The following TMTC2 variants were observed in gnomAD, a reference collection of about 807,000 sequenced individuals.
TMTC2 encodes protein O-mannosyl-transferase TMTC2.
A neutral mutation model predicts 82.4 loss-of-function variants in TMTC2; 43 were observed. The ratio of observed to expected loss-of-function variants is 0.52; its 90% CI spans 0.41 to 0.67. TMTC2 has a LOEUF of 0.67. Ranked by LOEUF, TMTC2 falls within the 30% of genes least tolerant of loss-of-function variation. TMTC2 has a pLI of 0.00. For missense variants in TMTC2, 919 were observed against 1,012.4 expected, an observed-to-expected ratio of 0.91 and a Z score of 1.25; for synonymous variants, 408 against 381.9, an observed-to-expected ratio of 1.07 and a Z score of -0.80.
chr12:82,843,562 T>C (rs1870463449), intron 1 of TMTC2, among the ~76,000 whole-genome samples: 1 of 152,190 alleles, frequency 6.6e-6, no homozygotes, highest in African/African-American at 2.4e-5. Flanking sequence ...ATGTAGAATA[T>C]TTTAAGTATG....
At chr12:82,947,356 T>G (rs2137272706) in intron 4 of TMTC2, among the ~76,000 whole-genome samples, 1 of 151,220 alleles carries the variant, frequency 6.6e-6, no homozygotes, top group South Asian at 2.1e-4. Flanking sequence ...TTTTTTTTTT[T>G]TTTGAGACGG....
At chr12:82,897,239 T>C (rs1378794328) in intron 3 of TMTC2, among the ~76,000 whole-genome samples, 1 of 152,224 alleles carries the variant, frequency 6.6e-6, no homozygotes, top group Non-Finnish European at 1.5e-5. Context: ...ACTTGAGTTC[T>C]TAAGTCACTT....
chr12:82,742,940 A>G (rs536041665), intron 1 of TMTC2, among the ~76,000 whole-genome samples: 1 of 152,188 alleles, frequency 6.6e-6, no homozygotes, highest in African/African-American at 2.4e-5. Flanking sequence ...CTAGTGCATC[A>G]TGATTGTTTT....
intron 8 of TMTC2, among the ~76,000 whole-genome samples, chr12:83,030,280 A>G (rs1881373124): frequency 6.6e-6 from 1 of 152,160 alleles, no homozygotes; most frequent in Non-Finnish European, 1.5e-5. Context: ...TACATACATT[A>G]TAAGAAGTAT....
intron 9 of TMTC2, among the ~76,000 whole-genome samples, chr12:83,040,349 A>G (rs1280832981): frequency 6.6e-6 from 1 of 152,222 alleles, no homozygotes; most frequent in African/African-American, 2.4e-5. Flanking sequence ...CTGCTGGTGA[A>G]GAAATCCAGG....
At chr12:82,864,185 A>G (rs1401667456) in intron 2 of TMTC2, among the ~76,000 whole-genome samples, 1 of 152,176 alleles carries the variant, frequency 6.6e-6, no homozygotes, top group African/African-American at 2.4e-5. Context: ...TGAGTCAGGT[A>G]GGGTAGATTG....
chr12:83,076,625 GC>G, intron 11 of TMTC2, among the ~76,000 whole-genome samples: 1 of 152,230 alleles, frequency 6.6e-6, no homozygotes, highest in East Asian at 1.9e-4. Flanking sequence ...TTCCCCCATC[GC>G]CGGTCACCAC....
At chr12:82,832,451 T>C (rs1869804277) in intron 1 of TMTC2, among the ~76,000 whole-genome samples, 1 of 152,138 alleles carries the variant, frequency 6.6e-6, no homozygotes, top group African/African-American at 2.4e-5. Context: ...TATTATACTA[T>C]TGTACACTGT....
intron 1 of TMTC2, among the ~76,000 whole-genome samples, chr12:82,832,794 A>G (rs963457742): frequency 4.6e-5 from 7 of 152,222 alleles, no homozygotes; most frequent in African/African-American, 1.7e-4. Context: ...ATCCCAAGAA[A>G]TAGCTTTTTT....
intron 1 of TMTC2, among the ~76,000 whole-genome samples, chr12:82,748,288 G>A (rs998883295): frequency 6.6e-6 from 1 of 152,138 alleles, no homozygotes; most frequent in Non-Finnish European, 1.5e-5. Flanking sequence ...TCCAGCGTGG[G>A]CGACAGAGTG....
At chr12:82,949,752 A>G (rs1313270256) in intron 4 of TMTC2, among the ~76,000 whole-genome samples, 1 of 152,122 alleles carries the variant, frequency 6.6e-6, no homozygotes, top group Admixed American at 6.6e-5. Context: ...TTAGCTGGTA[A>G]TTTTATTCTA....
chr12:83,054,540 A>G (rs1184634349), intron 10 of TMTC2, among the ~76,000 whole-genome samples: 1 of 151,498 alleles, frequency 6.6e-6, no homozygotes, highest in African/African-American at 2.4e-5. Context: ...AATTATATAT[A>G]TGTTTGTATA....
intron 1 of TMTC2, among the ~76,000 whole-genome samples, chr12:82,825,856 A>G (rs780889305): frequency 3.4e-5 from 5 of 147,870 alleles, no homozygotes; most frequent in South Asian, 2.1e-4. Flanking sequence ...TAGGGAAAGC[A>G]CACACACACA....
chr12:83,104,415 A>C (rs1173848285), intron 11 of TMTC2, among the ~76,000 whole-genome samples: 4 of 152,114 alleles, frequency 2.6e-5, no homozygotes, highest in Admixed American at 6.5e-5. Flanking sequence ...AGGCTTTCTC[A>C]TACATCCACT....
chr12:82,910,739 T>TCTTTGGCAGATGGATGTCCATCCAC (rs1434785705), intron 3 of TMTC2, among the ~76,000 whole-genome samples: 2 of 152,174 alleles, frequency 1.3e-5, no homozygotes, highest in Non-Finnish European at 2.9e-5. Flanking sequence ...AAACTCTGCC[T>TCTTTGGCAGATGGATGTCCATCCAC]CATTTGGCTG....
chr12:82,876,130 ATGGTGGTGG>A (rs575160141), intron 2 of TMTC2, among the ~76,000 whole-genome samples: 35 of 111,356 alleles, frequency 3.1e-4, no homozygotes, highest in South Asian at 1.8e-3. Context: ...GGTATTAGTA[ATGGTGGTGG>A]TGGTGGTGGT....
chr12:82,692,035 A>G (rs987024850), intron 1 of TMTC2, among the ~76,000 whole-genome samples: 1 of 152,172 alleles, frequency 6.6e-6, no homozygotes, highest in African/African-American at 2.4e-5. Context: ...GCTGTTTTGA[A>G]TAAGTATATC....
chr12:82,888,111 T>TA lies in TMTC2; in HGVS notation c.655-7701dup, dbSNP rs202128045. 2.4e-4 allele frequency among the ~76,000 whole-genome samples: 36 copies of TA among 152,134 alleles called. No homozygotes were observed. In the East Asian group the frequency reaches 5.4e-3, roughly 23 times the overall value. ...ATAAAATAAAATAATAAAATAAAAT[T>TA]AAAAAATTACACTTTCATAAGGCAG... On this transcript the variant is annotated intron_variant, in intron 2 of 11. Transcript: ENST00000321196.
chr12:83,057,134 C>T (rs374604106), intron 10 of TMTC2, among the ~76,000 whole-genome samples: 49 of 151,968 alleles, frequency 3.2e-4, no homozygotes, highest in East Asian at 1.2e-3. Context: ...ATTGCCGATA[C>T]ACATACCCTC....
Sources: allele counts gnomAD v4.1 joint callset (sites outside exome capture counted in the v4.1 genomes callset), GRCh38; gene constraint gnomAD v4.1.1; transcripts MANE v1.5; gene names NCBI Gene and HGNC (gene_info 2026-07-23, HGNC 2026-07-21).